The following CYRIA variants were observed in gnomAD, a reference collection of about 807,000 sequenced individuals.
CYRIA encodes the protein CYFIP related Rac1 interactor A, also known as CYFIP-related Rac1 interactor A.
A neutral mutation model predicts 43.9 loss-of-function variants in CYRIA; 15 were observed. The ratio of observed to expected loss-of-function variants is 0.34; its 90% CI spans 0.23 to 0.53. The LOEUF is 0.53. Ranked by LOEUF, CYRIA falls within the 20% of genes least tolerant of loss-of-function variation. The pLI is 0.94. For missense variants in CYRIA, 236 were observed against 394.2 expected (o/e 0.60, Z 3.40); for synonymous variants, 117 against 136.0 (o/e 0.86, Z 0.97).
chr2:16,568,519 G>C (rs1034815178), intron 3 of CYRIA, among the ~76,000 whole-genome samples: 4 of 152,126 alleles, frequency 2.6e-5, no homozygotes, highest in African/African-American at 7.2e-5. Context: ...TGGTAGAATA[G>C]AATTCCAGGG....
chr2:16,619,687 G>C (rs562477548), intron 2 of CYRIA, among the ~76,000 whole-genome samples: 1 of 152,160 alleles, frequency 6.6e-6, no homozygotes, highest in East Asian at 1.9e-4. Flanking sequence ...TAGTCAATTT[G>C]CTTCTTTTTA....
At chr2:16,653,222 G>A (rs908711366) in intron 1 of CYRIA, among the ~76,000 whole-genome samples, 6 of 152,158 alleles carry the variant, frequency 3.9e-5, no homozygotes. Flanking sequence ...GGCCTGTGAT[G>A]TCTCCATGAC....
At chr2:16,593,594 C>G (rs1430406868) in intron 2 of CYRIA, among the ~76,000 whole-genome samples, 1 of 151,860 alleles carries the variant, frequency 6.6e-6, no homozygotes, top group Non-Finnish European at 1.5e-5. Context: ...TGCAAAATTC[C>G]CGAACATAAA....
At chr2:16,654,175 G>A (rs2103551163) in intron 1 of CYRIA, among the ~76,000 whole-genome samples, 1 of 152,326 alleles carries the variant, frequency 6.6e-6, no homozygotes, top group Non-Finnish European at 1.5e-5. Context: ...ACTGCAGCCT[G>A]TGAATCACTG....
intron 9 of CYRIA, among the ~76,000 whole-genome samples, chr2:16,560,063 G>A (rs984336754): frequency 1.3e-5 from 2 of 152,114 alleles, no homozygotes; most frequent in South Asian, 4.1e-4. Context: ...AAAAAACTAT[G>A]TATCATTCAT....
At chr2:16,631,488 G>A (rs1401602082) in intron 1 of CYRIA, among the ~76,000 whole-genome samples, 1 of 152,234 alleles carries the variant, frequency 6.6e-6, no homozygotes, top group African/African-American at 2.4e-5. Context: ...TGGATGGTAA[G>A]CTGATATCCC....
At chr2:16,600,688 T>C (rs1668174936) in intron 2 of CYRIA, among the ~76,000 whole-genome samples, 1 of 152,234 alleles carries the variant, frequency 6.6e-6, no homozygotes, top group Non-Finnish European at 1.5e-5. Context: ...TTATAGTTAT[T>C]ACTACTATAA....
At chr2:16,565,539 AG>A in intron 4 of CYRIA, 106 bp downstream of exon 4, 1 of 1,286,476 alleles carries the variant, frequency 7.8e-7, no homozygotes, top group Non-Finnish European at 1.0e-6. Flanking sequence ...CTGGTACTCT[AG>A]GAAATACTGT....
At chr2:16,646,219 A>C (rs890214257) in intron 1 of CYRIA, among the ~76,000 whole-genome samples, 1 of 152,222 alleles carries the variant, frequency 6.6e-6, no homozygotes, top group African/African-American at 2.4e-5. Context: ...AGTTGGTAGA[A>C]TCAAGATGTC....
At chr2:16,575,692 A>G (rs540756866) in intron 3 of CYRIA, among the ~76,000 whole-genome samples, 1 of 151,880 alleles carries the variant, frequency 6.6e-6, no homozygotes, top group African/African-American at 2.4e-5. Context: ...CGTCTCTACT[A>G]AAAATACAAA....
At chr2:16,563,715 A>C (rs2103415156) in intron 5 of CYRIA, among the ~76,000 whole-genome samples, 2 of 152,270 alleles carry the variant, frequency 1.3e-5, no homozygotes, top group Middle Eastern at 3.4e-3. Flanking sequence ...GCCCACAGTA[A>C]AACTATTAAG....
rs1268498865 is a variant in CYRIA, at chr2:16,551,449, C to T, written c.*1487G>A. 1.3e-5 allele frequency: 2 copies of T among 152,130 alleles called. No homozygotes were observed. The highest frequency in any genetic ancestry group is 1.3e-4 in the Admixed American group (2 of 15,260). 9.4% of individuals were successfully genotyped at this position (152,130 alleles called of 1,614,324 possible). ...TGAATCCCATCCCATAGTATGTATT[C>T]ACAGCCACATGGTATAAAAGGAAGA... On this transcript the variant is annotated 3_prime_UTR_variant, in exon 12 of 12. Coordinates refer to ENST00000381323, the MANE Select transcript of CYRIA (RefSeq NM_030797.4).
At chr2:16,647,299 T>A (rs1276779478) in intron 1 of CYRIA, among the ~76,000 whole-genome samples, 2 of 152,168 alleles carry the variant, frequency 1.3e-5, no homozygotes, top group African/African-American at 2.4e-5. Context: ...AGCAAAGAAA[T>A]AAACAAGTAT....
At chr2:16,603,954 G>A (rs1668291451) in intron 2 of CYRIA, among the ~76,000 whole-genome samples, 1 of 152,148 alleles carries the variant, frequency 6.6e-6, no homozygotes, top group African/African-American at 2.4e-5. Flanking sequence ...AAATATGCCA[G>A]GTTTATTTGG....
chr2:16,643,644 T>C (rs1231983006), intron 1 of CYRIA, among the ~76,000 whole-genome samples: 1 of 152,238 alleles, frequency 6.6e-6, no homozygotes, highest in Non-Finnish European at 1.5e-5. Context: ...ACAAAGATCA[T>C]ATCCCCAGTT....
At chr2:16,565,478 A>G (rs1027321776) in intron 4 of CYRIA, among the ~76,000 whole-genome samples, 168 bp downstream of exon 4, 1 of 152,088 alleles carries the variant, frequency 6.6e-6, no homozygotes, top group African/African-American at 2.4e-5. Flanking sequence ...GAGCCACCGC[A>G]GCCGGCCCAT....
At chr2:16,587,967 T>G (rs1037589349) in intron 3 of CYRIA, 83 bp downstream of exon 3, 15 of 864,756 alleles carry the variant, frequency 1.7e-5, no homozygotes, top group Non-Finnish European at 2.7e-5. Context: ...AACTATGATA[T>G]AAATATTTAT....
At chr2:16,625,843 TTTTTCTCAAATG>T (rs1669145941) in intron 1 of CYRIA, 1 of 151,924 alleles carries the variant, frequency 6.6e-6, no homozygotes. Context: ...GCTTTTTTTT[TTTTTCTCAAATG>T]TCCTCAGAAT....
At chr2:16,662,035 C>T (rs1446008728) in intron 1 of CYRIA, among the ~76,000 whole-genome samples, 1 of 152,122 alleles carries the variant, frequency 6.6e-6, no homozygotes, top group African/African-American at 2.4e-5. Context: ...GTTTCTAAAA[C>T]TCAGGGTGTT....
Sources: gnomAD v4.1 joint callset for allele counts (sites outside exome capture counted in the v4.1 genomes callset) on GRCh38, gnomAD v4.1.1 for gene constraint, MANE v1.5 for transcripts, NCBI Gene and HGNC (gene_info 2026-07-23, HGNC 2026-07-21) for gene names.